DPEP2: variants seen among roughly 807,000 people sequenced by gnomAD.
DPEP2 encodes the protein dipeptidase 2.
Under a neutral mutation model 51.8 loss-of-function variants are expected in DPEP2, and 45 were observed. The observed-to-expected ratio is 0.87, with a 90% CI of 0.68 to 1.11. The LOEUF (loss-of-function observed/expected upper bound fraction) is 1.11, where lower values mean the gene tolerates loss of function less well. Ranked by LOEUF, DPEP2 falls within the 50% of genes most tolerant of loss-of-function variation. The probability of loss-of-function intolerance (pLI) is 0.00; values close to 1 mark genes in which losing one functional copy is unlikely to be tolerated. For synonymous variants in DPEP2, 255 were observed against 262.7 expected (o/e 0.97, Z 0.28); for missense variants, 604 against 631.9 (o/e 0.96, Z 0.47).
In DPEP2 at chr16:67,992,156, C is replaced by T. The variant is rs200552217; in HGVS notation, c.428G>A (p.Arg143Gln). 5.4e-5 allele frequency: 87 copies of T among 1,614,038 alleles called. No homozygotes were observed. The highest frequency in any genetic ancestry group is 6.4e-5 in the Non-Finnish European group (75 of 1,180,024). Residue 143 changes from arginine to glutamine, a missense_variant, in exon 4 of 11, where the codon CGG becomes CAG. By Grantham distance (43) the Arg-to-Gln change is conservative (BLOSUM62 1). Coordinates refer to ENST00000393847, the MANE Select transcript of DPEP2 (RefSeq NM_022355.4). ...SAYVPCQTQD[R>Q]DALRLTLEQI... ...CTCCAGGGTGAGGCGCAGGGCATCC[C>T]GGTCCTGGGTCTGGCATGGCACATA...
chr16:67,989,545 T>G (rs2031860542), intron 8 of DPEP2, 147 bp from the exon 9 acceptor site: 1 of 749,276 alleles, frequency 1.3e-6, no homozygotes, highest in African/African-American at 1.7e-5. Context: ...CTTGGCAACC[T>G]GAGAACCCTG....
chr16:67,993,087 G>C lies in DPEP2; in HGVS notation c.126C>G (p.Ala42=), dbSNP rs1280580195. ...CAYTTPGPPR[A]LTTLGAPRAH... ...CTCTGGGGGCGCCCAGCGTGGTGAG[G>C]GCTCTGGGGGGGCCTGGCGTGGTGT... is the stretch of plus-strand genomic sequence containing the variant. The change falls in exon 2 of 11, where the codon GCC becomes GCG. Residue 42 remains alanine (A), a synonymous_variant. Coordinates refer to ENST00000393847, the MANE Select transcript of DPEP2 (RefSeq NM_022355.4). 6.4e-7 allele frequency: 1 copy of C among 1,570,370 alleles called. No homozygotes were observed. Among genetic ancestry groups the C allele is most frequent in the South Asian group, 1.2e-5 (1 of 86,254 alleles).
chr16:67,991,564 G>T lies in DPEP2; in HGVS notation c.662+274C>A. Reference sequence around the variant, plus strand: ...GGCTAATTTTTGTGTTTTTCTTCAAGATAGGGTTTCACCATCTTGGCCAGG... The same window carrying T: ...GGCTAATTTTTGTGTTTTTCTTCAATATAGGGTTTCACCATCTTGGCCAGG... On this transcript the variant is annotated intron_variant, in intron 5 of 10. Transcript: ENST00000393847. The surrounding 1 kb of genome is among the most constrained non-coding windows in gnomAD (Gnocchi z 5.1). 3.8e-6 allele frequency: 2 copies of T among 527,308 alleles called. No homozygotes were observed. The highest frequency in any genetic ancestry group is 6.7e-6 in the Non-Finnish European group (2 of 298,374). The allele number at this position is 527,308 out of a possible 1,614,324, so 32.7% of individuals were successfully genotyped here. A position where few individuals can be genotyped will look rare whatever the true frequency, so the allele number is the denominator to read the frequency against.
Position 67,991,245 on chromosome 16 carries a change from G to C in DPEP2, c.663-61C>G. 6.4e-7 allele frequency: 1 copy of C among 1,558,654 alleles called. No individual in the cohort carries two copies. The highest frequency in any genetic ancestry group is 1.1e-5 in the South Asian group (1 of 88,664). ...TGTTCCTCGGCCTCAAGAGTCTAGAGGCCCTACCCACCCTCCATCCCTGCA... is the reference window on the plus strand; with the variant it reads ...TGTTCCTCGGCCTCAAGAGTCTAGACGCCCTACCCACCCTCCATCCCTGCA... On this transcript the variant is annotated intron_variant, in intron 5 of 10. Coordinates refer to ENST00000393847, the MANE Select transcript of DPEP2 (RefSeq NM_022355.4). The surrounding 1 kb of genome is among the most constrained non-coding windows in gnomAD (Gnocchi z 5.1).
rs918452974 is a variant in DPEP2 at position 67,991,370 on chromosome 16, CTT to C, written c.663-188_663-187del. On this transcript the variant is annotated intron_variant, in intron 5 of 10. Transcript: ENST00000393847. The surrounding 1 kb of genome is among the most constrained non-coding windows in gnomAD (Gnocchi z 5.1). The stretch of plus-strand genomic sequence containing the variant: ...TGGGTCCAGTCTTTTTTTTCCTTTT[CTT>C]TTTTTTTTTTTTTTGGCAATAGAGT... 1.5e-4 allele frequency among the ~76,000 whole-genome samples: 20 copies of C among 137,370 alleles called. No homozygotes were observed. Among genetic ancestry groups the C allele is most frequent in the Admixed American group, 2.9e-4 (4 of 13,714 alleles). 90.1% of individuals were successfully genotyped at this position (137,370 alleles called of 152,430 possible).
rs1169354300 is a variant in DPEP2 at position 67,990,061 on chromosome 16, A to C, written c.980T>G (p.Val327Gly). ...GVIQCNPSAN[V>G]STVADHFDHI... is the part of the protein sequence containing the mutation. ...GAGGGAGTTACCTGCCACAGTGGAC[A>C]CATTGGCTGATGGGTTGCACTGTAT... is the stretch of plus-strand genomic sequence containing the variant. Residue 327 changes from valine to glycine, a missense_variant, in exon 8 of 11, where the codon GTG (valine) becomes GGG (glycine). Transcript: ENST00000393847. The C allele has an allele frequency of 6.2e-7, 1 of 1,614,224 alleles. No individual in the cohort carries two copies. The highest frequency in any genetic ancestry group is 8.5e-7 in the Non-Finnish European group (1 of 1,180,026).
At position 67,987,402 on chromosome 16, in the gene DPEP2, T is replaced by G; in HGVS notation, c.*104A>C. 1 of 1,488,244 alleles carries G rather than the reference T, an allele frequency of 6.7e-7. No homozygotes were observed. Among genetic ancestry groups the G allele is most frequent in the Non-Finnish European group, 9.1e-7 (1 of 1,100,012 alleles). 92.2% of individuals were successfully genotyped at this position (1,488,244 alleles called of 1,614,324 possible). ...AAGGAAACTCAGGTCTGTTTCTATG[T>G]CCAAAACATTTATTTCAGGAAATAT... On this transcript the variant is annotated 3_prime_UTR_variant, in exon 11 of 11. Coordinates refer to ENST00000393847, the MANE Select transcript of DPEP2 (RefSeq NM_022355.4).
At position 67,990,878 on chromosome 16, in the gene DPEP2, A is replaced by G. The variant is rs761441245; in HGVS notation, c.852T>C (p.Ala284=). The part of the protein sequence containing the change: ...SQAPVIFSHS[A]ARGVCNSARN... ...GAGCACTGTTGCACACACCCCGGGC[A>G]GCCGAGTGGGAGAAGATCACAGGTG... The change falls in exon 7 of 11, where the codon GCT becomes GCC. Residue 284 remains alanine (A), a synonymous_variant. Transcript: ENST00000393847. The G allele has an allele frequency of 7.6e-5, 122 of 1,614,100 alleles. No individual in the cohort carries two copies. The highest frequency in any genetic ancestry group is 9.8e-5 in the Non-Finnish European group (116 of 1,180,056).
At chr16:67,993,830 A>C in intron 1 of DPEP2, 1 of 985,556 alleles carries the variant, frequency 1.0e-6, no homozygotes, top group Non-Finnish European at 1.2e-6. Flanking sequence ...GACTGGATTC[A>C]GGAAGGGGCC....
chr16:67,991,300 A>C lies in DPEP2; in HGVS notation c.663-116T>G. 31 of 984,648 alleles carry C rather than the reference A, an allele frequency of 3.1e-5. No homozygotes were observed. Among genetic ancestry groups the C allele is most frequent in the South Asian group, 5.9e-5 (4 of 68,220 alleles). 61.0% of individuals were successfully genotyped at this position (984,648 alleles called of 1,614,324 possible). A position where few individuals can be genotyped will look rare whatever the true frequency, so the allele number is the denominator to read the frequency against. On this transcript the variant is annotated intron_variant, in intron 5 of 10. Coordinates refer to ENST00000393847, the MANE Select transcript of DPEP2 (RefSeq NM_022355.4). The surrounding 1 kb of genome is among the most constrained non-coding windows in gnomAD (Gnocchi z 5.1). ...CCTGAAACAAAAACAGGGATCCAAA[A>C]TGGGCCCTGCAAATGGGCCATGCCT...
chr16:67,997,424 T>C (rs2032765577), intron 1 of DPEP2, among the ~76,000 whole-genome samples: 1 of 151,948 alleles, frequency 6.6e-6, no homozygotes, highest in Non-Finnish European at 1.5e-5. Flanking sequence ...TGGCACAATC[T>C]CGGCTCACTG....
At chr16:67,998,429 C>G (rs1291837968) in intron 1 of DPEP2, among the ~76,000 whole-genome samples, 1 of 152,252 alleles carries the variant, frequency 6.6e-6, no homozygotes, top group Non-Finnish European at 1.5e-5. Context: ...CGACTTCTCA[C>G]CGGGCCTTAG....
intron 1 of DPEP2, among the ~76,000 whole-genome samples, chr16:67,995,112 C>G (rs2032610295): frequency 6.6e-6 from 1 of 152,194 alleles, no homozygotes; most frequent in African/African-American, 2.4e-5. Flanking sequence ...GTTGCCCAGG[C>G]TGGTCTCGAA....
intron 2 of DPEP2, 59 bp from the exon 3 acceptor site, chr16:67,992,695 C>T (rs2032326958): frequency 3.2e-6 from 5 of 1,583,442 alleles, no homozygotes; most frequent in Non-Finnish European, 4.3e-6. Context: ...TCTTAGCCCT[C>T]CAGTTCAGGA....
Position 67,992,620 on chromosome 16 carries a change from G to C in DPEP2, c.280C>G (p.Leu94Val). ...TTCTGGTAAACCTGCCTTAGGACCA[G>C]GGGCAGGTCGTTGTGGCTGGAGGGA... The part of the protein sequence containing the change: ...PLVDGHNDLP[L>V]VLRQVYQKGL... The change falls in exon 3 of 11, where the codon CTG becomes GTG. Residue 94 changes from leucine to valine, a missense_variant. Physicochemically the swap from Leu to Val is conservative, Grantham distance 32. Coordinates refer to ENST00000393847, the MANE Select transcript of DPEP2 (RefSeq NM_022355.4). 1 of 1,613,840 alleles carries C rather than the reference G, an allele frequency of 6.2e-7. No individual in the cohort carries two copies. Among genetic ancestry groups the C allele is most frequent in the Non-Finnish European group, 8.5e-7 (1 of 1,179,782 alleles).
At position 67,992,983 on chromosome 16, in the gene DPEP2, C is replaced by G. The variant is rs1487068051; in HGVS notation, c.230G>C (p.Arg77Pro). ...GAGCGGGAAGTCCCGCATCAGGGCC[C>G]GTGCCTGCTCTTGCAGGCCCTGGGT... ...PSTQGLQEQARALMRDFPLVD... is the reference protein window; with the variant it reads ...PSTQGLQEQAPALMRDFPLVD... The change falls in exon 2 of 11, where the codon CGG (arginine) becomes CCG (proline). Residue 77 changes from arginine (R) to proline (P), a missense_variant. Physicochemically the swap from Arg to Pro is moderately radical, Grantham distance 103 (BLOSUM62 -2). Transcript: ENST00000393847. The G allele has an allele frequency of 3.1e-6, 5 of 1,610,954 alleles. No individual in the cohort carries two copies. Among genetic ancestry groups the G allele is most frequent in the Non-Finnish European group, 4.2e-6 (5 of 1,178,660 alleles).
rs1429470024 is a variant in DPEP2 at position 67,991,247 on chromosome 16, C to A, written c.663-63G>T. 6.5e-7 allele frequency: 1 copy of A among 1,534,144 alleles called. No homozygotes were observed. The highest frequency in any genetic ancestry group is 1.4e-5 in the African/African-American group (1 of 73,352). On this transcript the variant is annotated intron_variant, in intron 5 of 10. Coordinates refer to ENST00000393847, the MANE Select transcript of DPEP2 (RefSeq NM_022355.4). The surrounding 1 kb of genome is among the most constrained non-coding windows in gnomAD (Gnocchi z 5.1). ...TTCCTCGGCCTCAAGAGTCTAGAGG[C>A]CCTACCCACCCTCCATCCCTGCACC... is the stretch of plus-strand genomic sequence containing the variant.
At position 67,993,119 on chromosome 16, in the gene DPEP2, A is replaced by G. The variant is rs539349506; in HGVS notation, c.94T>C (p.Cys32Arg). 6.2e-5 allele frequency: 96 copies of G among 1,559,492 alleles called. No homozygotes were observed. The highest frequency in any genetic ancestry group is 8.1e-5 in the Non-Finnish European group (93 of 1,150,996). ...LLLLLLQPVT[C>R]AYTTPGPPRA... ...GGGGGGCCTGGCGTGGTGTAGGCAC[A>G]GGTTACAGGCTGGAGCAGCAGCAGC... The change falls in exon 2 of 11, where the codon TGT becomes CGT. Residue 32 changes from cysteine (C) to arginine (R), a missense_variant. Transcript: ENST00000393847.
intron 1 of DPEP2, chr16:67,993,932 C>T (rs1468307259): frequency 3.0e-6 from 3 of 985,514 alleles, no homozygotes; most frequent in Non-Finnish European, 3.6e-6. Flanking sequence ...CAGGAGCACT[C>T]CTCCGCCCCC....
Sources: gnomAD v4.1 joint callset for allele counts (sites outside exome capture counted in the v4.1 genomes callset) on GRCh38, gnomAD v4.1.1 for gene constraint, Gnocchi (gnomAD v3.1) non-coding constraint, MANE v1.5 for transcripts, NCBI Gene and HGNC (gene_info 2026-07-23, HGNC 2026-07-21) for gene names.